Variants in ENTHD1 observed in about 807,000 individuals in gnomAD.
ENTHD1 encodes ENTH domain-containing protein 1.
A neutral mutation model predicts 39.1 loss-of-function variants in ENTHD1; 23 were observed. The ratio of observed to expected loss-of-function variants is 0.59; its 90% CI spans 0.42 to 0.83. The LOEUF (loss-of-function observed/expected upper bound fraction) is 0.83. ENTHD1 is among the 40% of genes least tolerant of loss of function. The pLI is 0.00. For synonymous variants in ENTHD1, 230 were observed against 258.2 expected, an observed-to-expected ratio of 0.89 and a Z score of 1.05; for missense variants, 624 against 705.4, an observed-to-expected ratio of 0.88 and a Z score of 1.31.
At position 39,803,191 on chromosome 22, in the gene ENTHD1, A is replaced by G. The variant is rs572326263; in HGVS notation, c.832+17802T>C. On this transcript the variant is annotated intron_variant, in intron 5 of 6. Coordinates refer to ENST00000325157, the MANE Select transcript of ENTHD1 (RefSeq NM_152512.4). ...CTGTCTTTCTCTGATCTCTCACACC[A>G]CCATCCCCTCGTTTGCTACGTTCTA... Among the ~76,000 whole-genome samples, 30 of 151,850 alleles carry G rather than the reference A, an allele frequency of 2.0e-4. No individual in the cohort carries two copies. In the South Asian group the frequency reaches 5.2e-3, roughly 26 times the overall value.
intron 5 of ENTHD1, among the ~76,000 whole-genome samples, chr22:39,810,303 A>C (rs1394601575): frequency 3.9e-5 from 6 of 152,218 alleles, no homozygotes; most frequent in African/African-American, 1.4e-4. Context: ...TACTGGCCAG[A>C]GGAGGGACTT....
chr22:39,811,828 A>C (rs946571999), intron 5 of ENTHD1, among the ~76,000 whole-genome samples: 4 of 151,556 alleles, frequency 2.6e-5, no homozygotes, highest in African/African-American at 9.7e-5. Context: ...AAATACAAAA[A>C]ATTAGCCGGG....
At chr22:39,837,437 C>T (rs1032306170) in intron 3 of ENTHD1, among the ~76,000 whole-genome samples, 4 of 152,118 alleles carry the variant, frequency 2.6e-5, no homozygotes, top group African/African-American at 9.7e-5. Flanking sequence ...AAAGGCATAT[C>T]TTCACCCATC....
intron 6 of ENTHD1, among the ~76,000 whole-genome samples, chr22:39,753,209 A>C (rs1053373736): frequency 1.3e-5 from 2 of 152,224 alleles, no homozygotes; most frequent in African/African-American, 4.8e-5. Context: ...GTAGCTGAAC[A>C]TACTTACTAT....
At chr22:39,821,896 C>T (rs1428471968) in intron 4 of ENTHD1, among the ~76,000 whole-genome samples, 1 of 152,170 alleles carries the variant, frequency 6.6e-6, no homozygotes, top group Non-Finnish European at 1.5e-5. Context: ...TAATCATATT[C>T]ATGAGGGCTA....
intron 3 of ENTHD1, among the ~76,000 whole-genome samples, chr22:39,847,287 G>A (rs1248336748): frequency 1.4e-5 from 2 of 144,948 alleles, no homozygotes; most frequent in Admixed American, 7.2e-5. Context: ...ACCAAACACC[G>A]CATGTTCTCA....
chr22:39,773,507 T>G (rs1159713165), intron 5 of ENTHD1, among the ~76,000 whole-genome samples: 1 of 152,130 alleles, frequency 6.6e-6, no homozygotes, highest in Non-Finnish European at 1.5e-5. Flanking sequence ...ATTTGGAAAT[T>G]TAGAAAACAT....
At chr22:39,789,918 T>C (rs1224551641) in intron 5 of ENTHD1, among the ~76,000 whole-genome samples, 1 of 151,940 alleles carries the variant, frequency 6.6e-6, no homozygotes, top group Non-Finnish European at 1.5e-5. Context: ...TAAGGTGTCA[T>C]TTGAGCAGTA....
At chr22:39,790,192 C>T (rs1976330709) in intron 5 of ENTHD1, among the ~76,000 whole-genome samples, 2 of 152,122 alleles carry the variant, frequency 1.3e-5, no homozygotes, top group South Asian at 4.1e-4. Context: ...AAAGGAATGG[C>T]ATGGTATGTC....
At chr22:39,751,128 A>G (rs78553435) in intron 6 of ENTHD1, 2,051 of 153,712 alleles carry the variant, frequency 0.013, 35 homozygotes, top group Non-Finnish European at 0.019. Flanking sequence ...TTGCATTTCA[A>G]AAAGATGATT....
At chr22:39,777,635 A>G (rs998691158) in intron 5 of ENTHD1, among the ~76,000 whole-genome samples, 1 of 152,166 alleles carries the variant, frequency 6.6e-6, no homozygotes, top group African/African-American at 2.4e-5. Context: ...TTTTCATGTA[A>G]CTTGCTTCTT....
intron 3 of ENTHD1, among the ~76,000 whole-genome samples, chr22:39,844,771 G>A (rs2065973571): frequency 6.6e-6 from 1 of 152,098 alleles, no homozygotes; most frequent in South Asian, 2.1e-4. Flanking sequence ...AGAACTGAAT[G>A]GAGAATGCTT....
chr22:39,880,870 C>G (rs1329055081), intron 2 of ENTHD1, among the ~76,000 whole-genome samples: 1 of 152,106 alleles, frequency 6.6e-6, no homozygotes, highest in Admixed American at 6.6e-5. Flanking sequence ...TTCCTTCATT[C>G]AACAATATAC....
chr22:39,829,664 G>A (rs188908634), intron 4 of ENTHD1, among the ~76,000 whole-genome samples: 16 of 151,942 alleles, frequency 1.1e-4, no homozygotes, highest in East Asian at 9.7e-4. Context: ...GGTGGCAGGC[G>A]CCTATAGTAC....
chr22:39,861,625 T>C (rs1789675113), intron 3 of ENTHD1, 140 bp downstream of exon 3: 1 of 640,568 alleles, frequency 1.6e-6, no homozygotes, highest in African/African-American at 1.9e-5. Context: ...TCGTTGTTGT[T>C]TTCTATAGTA....
chr22:39,765,175 G>GTT (rs2065264742), intron 6 of ENTHD1, 48 bp downstream of exon 6: 1 of 1,255,500 alleles, frequency 8.0e-7, no homozygotes, highest in Admixed American at 2.9e-5. Flanking sequence ...GAGGTTTTTT[G>GTT]TTGTGTGTGT....
chr22:39,868,131 G>A (rs1353959605), intron 2 of ENTHD1, among the ~76,000 whole-genome samples: 3 of 151,974 alleles, frequency 2.0e-5, no homozygotes, highest in East Asian at 1.9e-4. Flanking sequence ...ACTGCTTCCC[G>A]GGATACAACT....
intron 5 of ENTHD1, among the ~76,000 whole-genome samples, chr22:39,780,943 G>A (rs1479489694): frequency 6.6e-6 from 1 of 150,388 alleles, no homozygotes; most frequent in Non-Finnish European, 1.5e-5. Context: ...AGCTTGCAGT[G>A]AGCCGAGATT....
At chr22:39,890,447 A>G (rs1248653501) in intron 1 of ENTHD1, among the ~76,000 whole-genome samples, 1 of 152,162 alleles carries the variant, frequency 6.6e-6, no homozygotes, top group East Asian at 1.9e-4. Context: ...AGAGCAACAA[A>G]TATCGATCTG....
Sources: allele counts gnomAD v4.1 joint callset (sites outside exome capture counted in the v4.1 genomes callset), GRCh38; gene constraint gnomAD v4.1.1; transcripts MANE v1.5; gene names NCBI Gene and HGNC (gene_info 2026-07-23, HGNC 2026-07-21).